Variants in EXOC6B observed in about 807,000 individuals in gnomAD.
The protein encoded by EXOC6B is exocyst complex component 6B.
EXOC6B carries 54 observed loss-of-function variants against 113.5 expected under a neutral mutation model. The ratio of observed to expected loss-of-function variants is 0.48; its 90% confidence interval spans 0.38 to 0.60. The LOEUF (loss-of-function observed/expected upper bound fraction) is 0.60, where lower values mean the gene tolerates loss of function less well. Ranked by LOEUF, EXOC6B falls within the 20% of genes least tolerant of loss-of-function variation. The pLI is 0.00. For synonymous variants in EXOC6B, 357 were observed against 339.0 expected (o/e 1.05, Z -0.58); for missense variants, 797 against 977.5 (o/e 0.82, Z 2.46).
chr2:72,500,812 T>G (rs1700279391), intron 11 of EXOC6B, among the ~76,000 whole-genome samples: 1 of 152,212 alleles, frequency 6.6e-6, no homozygotes, highest in Admixed American at 6.5e-5. Context: ...TTACTTGCTC[T>G]CTCATTGGTC....
At chr2:72,584,702 T>C (rs1213848025) in intron 6 of EXOC6B, among the ~76,000 whole-genome samples, 2 of 152,176 alleles carry the variant, frequency 1.3e-5, no homozygotes, top group African/African-American at 2.4e-5. Flanking sequence ...ACCATGAATA[T>C]ACATTCTTCT....
intron 1 of EXOC6B, among the ~76,000 whole-genome samples, chr2:72,800,042 G>A (rs1372125116): frequency 6.6e-6 from 1 of 151,892 alleles, no homozygotes; most frequent in Non-Finnish European, 1.5e-5. Context: ...TCTAGCCTGG[G>A]CAACAGAGCA....
intron 6 of EXOC6B, among the ~76,000 whole-genome samples, chr2:72,617,454 C>T (rs1420359525): frequency 6.6e-6 from 1 of 152,018 alleles, no homozygotes; most frequent in Non-Finnish European, 1.5e-5. Flanking sequence ...GCCTGGGCAT[C>T]CAGGTATTTT....
At chr2:72,808,230 C>T (rs1046361133) in intron 1 of EXOC6B, among the ~76,000 whole-genome samples, 2 of 152,114 alleles carry the variant, frequency 1.3e-5, no homozygotes, top group Admixed American at 1.3e-4. Flanking sequence ...CTGAGTTTTC[C>T]AAACTAGGTT....
intron 17 of EXOC6B, among the ~76,000 whole-genome samples, chr2:72,476,635 T>C (rs1434850930): frequency 6.7e-6 from 1 of 148,410 alleles, no homozygotes; most frequent in African/African-American, 2.6e-5. Context: ...TTCCTTACTT[T>C]CATCTTTTCT....
At chr2:72,211,003 C>T (rs1234109270) in intron 20 of EXOC6B, among the ~76,000 whole-genome samples, 2 of 152,150 alleles carry the variant, frequency 1.3e-5, no homozygotes, top group Admixed American at 1.3e-4. Context: ...GGTGAAGCAC[C>T]ACCTCCGGTT....
chr2:72,689,548 T>C (rs1000542707), intron 6 of EXOC6B, among the ~76,000 whole-genome samples: 10 of 152,218 alleles, frequency 6.6e-5, no homozygotes, highest in African/African-American at 2.2e-4. Flanking sequence ...GGGGATATAA[T>C]TGATTGGCTA....
At chr2:72,650,940 T>C (rs919929340) in intron 6 of EXOC6B, among the ~76,000 whole-genome samples, 6 of 150,504 alleles carry the variant, frequency 4.0e-5, no homozygotes, top group South Asian at 4.2e-4. Flanking sequence ...TGAGCTATGA[T>C]CACACCACTG....
intron 20 of EXOC6B, among the ~76,000 whole-genome samples, chr2:72,270,153 G>A (rs992084406): frequency 1.3e-5 from 2 of 152,060 alleles, no homozygotes; most frequent in African/African-American, 4.8e-5. Flanking sequence ...AACTCTGGAC[G>A]ACTGCTCCCT....
chr2:72,814,701 T>C (rs974992265), intron 1 of EXOC6B, among the ~76,000 whole-genome samples: 1 of 152,302 alleles, frequency 6.6e-6, no homozygotes, highest in Non-Finnish European at 1.5e-5. Flanking sequence ...TTTAAAAAAA[T>C]TATAATTCTG....
chr2:72,469,316 T>C (rs1698255738), intron 17 of EXOC6B, among the ~76,000 whole-genome samples: 1 of 152,074 alleles, frequency 6.6e-6, no homozygotes, highest in African/African-American at 2.4e-5. Context: ...CTAATTTTCA[T>C]TATTGGTATT....
chr2:72,242,148 T>A (rs1483168898), intron 20 of EXOC6B, among the ~76,000 whole-genome samples: 1 of 152,136 alleles, frequency 6.6e-6, no homozygotes, highest in African/African-American at 2.4e-5. Context: ...GCTATCATCG[T>A]GCCACTGCAC....
chr2:72,700,395 G>C (rs1328793455), intron 6 of EXOC6B, among the ~76,000 whole-genome samples: 1 of 152,170 alleles, frequency 6.6e-6, no homozygotes. Context: ...TACATTTAGA[G>C]ACAATCTTCT....
At chr2:72,572,223 G>T (rs769087428) in intron 7 of EXOC6B, among the ~76,000 whole-genome samples, 1 of 152,058 alleles carries the variant, frequency 6.6e-6, no homozygotes, top group East Asian at 1.9e-4. Context: ...TTTCCATATC[G>T]TCTTGTAACT....
At chr2:72,266,268 A>T (rs1438148193) in intron 20 of EXOC6B, among the ~76,000 whole-genome samples, 19 of 150,228 alleles carry the variant, frequency 1.3e-4, no homozygotes, top group African/African-American at 1.7e-4. Context: ...ATGAGATCCC[A>T]TTTGTCAATT....
intron 18 of EXOC6B, among the ~76,000 whole-genome samples, chr2:72,460,422 C>T (rs1192451882): frequency 2.0e-5 from 3 of 151,748 alleles, no homozygotes; most frequent in Admixed American, 6.6e-5. Context: ...GAACAGGCAA[C>T]CTACAAAATG....
At chr2:72,479,327 A>G (rs922368943) in intron 17 of EXOC6B, among the ~76,000 whole-genome samples, 9 of 152,180 alleles carry the variant, frequency 5.9e-5, no homozygotes, top group African/African-American at 2.2e-4. Context: ...GAAAAATAGT[A>G]AGTCACACCA....
chr2:72,335,791 T>C lies in EXOC6B; in HGVS notation c.2123-771A>G, dbSNP rs978907417. Among the ~76,000 whole-genome samples the C allele has an allele frequency of 2.0e-5, 3 of 152,148 alleles. No individual in the cohort carries two copies. In the East Asian group the frequency reaches 5.8e-4, roughly 29 times the overall value. On this transcript the variant is annotated intron_variant, in intron 19 of 21. Coordinates refer to ENST00000272427, the MANE Select transcript of EXOC6B (RefSeq NM_015189.3). ...ACTCTCAAAAATTCTTTCTTCTCCT[T>C]TCTCTACCCCAATTCAATCTTAGCC...
At chr2:72,558,981 G>A (rs184421948) in intron 8 of EXOC6B, among the ~76,000 whole-genome samples, 40 of 152,234 alleles carry the variant, frequency 2.6e-4, no homozygotes, top group African/African-American at 8.7e-4. Context: ...GTGTCTGCAT[G>A]TGAGTGTACT....
Sources: allele counts gnomAD v4.1 joint callset (sites outside exome capture counted in the v4.1 genomes callset), GRCh38; gene constraint gnomAD v4.1.1; transcripts MANE v1.5; gene names NCBI Gene and HGNC (gene_info 2026-07-23, HGNC 2026-07-21).